The following SMARCC2 variants were observed in gnomAD, a reference collection of about 807,000 sequenced individuals.
SMARCC2 encodes the protein SWI/SNF related BAF chromatin remodeling complex subunit C2.
SMARCC2 carries 15 observed loss-of-function variants against 151.3 expected under a neutral mutation model. That is an observed-to-expected ratio of 0.10 (90% CI 0.07 to 0.15). The LOEUF (loss-of-function observed/expected upper bound fraction) is 0.15. SMARCC2 is among the 10% of genes least tolerant of loss of function. The pLI is 1.00. For synonymous variants in SMARCC2, 590 were observed against 609.5 expected, an observed-to-expected ratio of 0.97 and a Z score of 0.47; for missense variants, 1,031 against 1,599.7, an observed-to-expected ratio of 0.64 and a Z score of 6.06.
chr12:56,179,450 G>A (rs2135722491), intron 11 of SMARCC2, among the ~76,000 whole-genome samples: 1 of 152,200 alleles, frequency 6.6e-6, no homozygotes, highest in Non-Finnish European at 1.5e-5. Flanking sequence ...ATGCTCAGGA[G>A]CAAACATAGA....
At chr12:56,172,022 G>C (rs1874042597) in intron 20 of SMARCC2, 85 bp from the exon 21 acceptor site, 1 of 1,299,018 alleles carries the variant, frequency 7.7e-7, no homozygotes, top group Admixed American at 2.3e-5. Flanking sequence ...AAGGGCAGCT[G>C]GTTTCAAAGT....
intron 17 of SMARCC2, 41 bp downstream of exon 17, chr12:56,173,655 A>G (rs746360907): frequency 1.9e-6 from 3 of 1,552,310 alleles, no homozygotes; most frequent in Non-Finnish European, 2.6e-6. Flanking sequence ...AAGAAGCCCA[A>G]TCTTCCCAAC....
Position 56,178,841 on chromosome 12 carries a change from T to C in SMARCC2, c.1148A>G (p.Gln383Arg), listed in dbSNP as rs1451514565. Reference sequence around the variant, plus strand: ...CGTCGTCTCCATGCTTTCATCTTCCTGTTCATCTGAAAGAGAAAAACCAAG... The same window carrying C: ...CGTCGTCTCCATGCTTTCATCTTCCCGTTCATCTGAAAGAGAAAAACCAAG... Reference protein sequence around the residue: ...KGGTMTDLDEQEDESMETTGK... With the variant: ...KGGTMTDLDEREDESMETTGK... Residue 383 changes from glutamine (Q) to arginine (R), a missense_variant, in exon 13 of 29, where the codon CAG becomes CGG. By Grantham distance (43) the Gln-to-Arg change is conservative (BLOSUM62 1). Coordinates refer to ENST00000550164, the MANE Select transcript of SMARCC2 (RefSeq NM_001330288.2). 6.2e-7 allele frequency: 1 copy of C among 1,614,104 alleles called. No homozygotes were observed. Among genetic ancestry groups the C allele is most frequent in the Non-Finnish European group, 8.5e-7 (1 of 1,179,936 alleles).
chr12:56,179,587 A>G (rs1875713901), intron 11 of SMARCC2, among the ~76,000 whole-genome samples: 1 of 152,260 alleles, frequency 6.6e-6, no homozygotes, highest in Admixed American at 6.5e-5. Flanking sequence ...ACTGTAAACC[A>G]GTATTGGTGG....
intron 15 of SMARCC2, among the ~76,000 whole-genome samples, chr12:56,176,411 G>C (rs1177174367): frequency 6.6e-6 from 1 of 152,222 alleles, no homozygotes; most frequent in Admixed American, 6.5e-5. Context: ...TGGTTATCTT[G>C]AAGTATTCCT....
At position 56,164,682 on chromosome 12, in the gene SMARCC2, C is replaced by A; in HGVS notation, c.3282G>T (p.Gly1094=). The A allele has an allele frequency of 6.2e-7, 1 of 1,612,016 alleles. No individual in the cohort carries two copies. Among genetic ancestry groups the A allele is most frequent in the Non-Finnish European group, 8.5e-7 (1 of 1,179,178 alleles). Residue 1094 remains glycine, a synonymous_variant, in exon 28 of 29, where the codon GGG becomes GGT. Coordinates refer to ENST00000550164, the MANE Select transcript of SMARCC2 (RefSeq NM_001330288.2). ...CTGGGTGCCCGCTGCCTGGCACTGC[C>A]CCTGGCATCATTGAGGGAGGAGTTT... The part of the protein sequence containing the change: ...NQQTPPSMMP[G]AVPGSGHPGV...
chr12:56,178,573 C>T (rs553478610), intron 13 of SMARCC2, 39 bp from the exon 14 acceptor site: 2 of 1,613,834 alleles, frequency 1.2e-6, no homozygotes, highest in South Asian at 2.2e-5. Flanking sequence ...AGCATTCCTG[C>T]TTCCTCCCTA....
At chr12:56,173,963 T>C in intron 16 of SMARCC2, 114 bp from the exon 17 acceptor site, 2 of 897,976 alleles carry the variant, frequency 2.2e-6, no homozygotes, top group East Asian at 2.6e-5. Flanking sequence ...AACCCCGGCC[T>C]TTTCCTCTGT....
Position 56,171,569 on chromosome 12 carries a change from G to A in SMARCC2, c.2185+110C>T, listed in dbSNP as rs1031599651. 3.5e-4 allele frequency: 518 copies of A among 1,478,776 alleles called. 1 individual carries two copies. The highest frequency in any genetic ancestry group is 6.5e-4 in the Middle Eastern group (3 of 4,610). 91.6% of individuals were successfully genotyped at this position (1,478,776 alleles called of 1,614,324 possible). Reference sequence around the variant, plus strand: ...TAGACAGGTGCCTGAGCTGAGGCCCGCACAGACAAGGCCAGCAGGGCAGCC... The same window carrying A: ...TAGACAGGTGCCTGAGCTGAGGCCCACACAGACAAGGCCAGCAGGGCAGCC... On this transcript the variant is annotated intron_variant, in intron 21 of 28. Transcript: ENST00000550164. This position sits in a 1 kb window ranked among gnomAD's most constrained non-coding sequence, Gnocchi z 4.2.
intron 26 of SMARCC2, among the ~76,000 whole-genome samples, chr12:56,167,303 A>G (rs766226230): frequency 6.6e-6 from 1 of 151,290 alleles, no homozygotes; most frequent in Non-Finnish European, 1.5e-5. Flanking sequence ...AGCGAAGATC[A>G]CACCATTGCA....
At chr12:56,173,346 A>T (rs1874319704) in intron 17 of SMARCC2, among the ~76,000 whole-genome samples, 1 of 152,248 alleles carries the variant, frequency 6.6e-6, no homozygotes, top group Non-Finnish European at 1.5e-5. Flanking sequence ...AAAAAAATGA[A>T]GATGATAATT....
chr12:56,168,246 C>T lies in SMARCC2; in HGVS notation c.2716-52G>A, dbSNP rs1272564486. ...ATCAGTGGGAGGACCCAACTGAAGACAATACAGAAGAAAGGTAGGGTGGAT... is the reference window on the plus strand; with the variant it reads ...ATCAGTGGGAGGACCCAACTGAAGATAATACAGAAGAAAGGTAGGGTGGAT... On this transcript the variant is annotated intron_variant, in intron 25 of 28. Transcript: ENST00000550164. 3 of 1,605,496 alleles carry T rather than the reference C, an allele frequency of 1.9e-6. No homozygotes were observed. In the African/African-American group the frequency reaches 4.0e-5, roughly 21 times the overall value.
At chr12:56,186,670 C>G (rs1272327877) in intron 2 of SMARCC2, 1 of 204,198 alleles carries the variant, frequency 4.9e-6, no homozygotes, top group African/African-American at 2.4e-5. Flanking sequence ...AATTCTTTAA[C>G]CCTTGTGCCA....
At chr12:56,163,829 A>G in intron 28 of SMARCC2, 64 bp from the exon 29 acceptor site, 1 of 1,103,862 alleles carries the variant, frequency 9.1e-7, no homozygotes, top group Non-Finnish European at 1.3e-6. Context: ...GACCCAGACC[A>G]CCACAGACAG....
At chr12:56,178,711 T>C (rs1875513955) in intron 13 of SMARCC2, 99 bp downstream of exon 13, 1 of 1,465,192 alleles carries the variant, frequency 6.8e-7, no homozygotes, top group Non-Finnish European at 9.6e-7. Context: ...TAGTCTACAG[T>C]GGGTAAAGTC....
At position 56,180,972 on chromosome 12, in the gene SMARCC2, T is replaced by G. The variant is rs776175998; in HGVS notation, c.1081+5A>C. 93 of 1,611,372 alleles carry G rather than the reference T, an allele frequency of 5.8e-5. No individual in the cohort carries two copies. Among genetic ancestry groups the G allele is most frequent in the South Asian group, 1.7e-4 (15 of 90,840 alleles). ...TGGATCCCAGGAGCTCAGCCTGGCC[T>G]GTACCTGTTTTGGGAAGTGTCACCT... On this transcript the variant is annotated splice_donor_5th_base_variant and intron_variant, in intron 11 of 28. Transcript: ENST00000550164.
intron 15 of SMARCC2, among the ~76,000 whole-genome samples, chr12:56,175,625 A>G (rs568488280): frequency 5.9e-5 from 9 of 152,198 alleles, no homozygotes; most frequent in Non-Finnish European, 1.0e-4. Context: ...CATGTGGTAC[A>G]GTGTAAAGTT....
chr12:56,167,915 G>A (rs914178250), intron 26 of SMARCC2, 145 bp downstream of exon 26: 11 of 849,320 alleles, frequency 1.3e-5, no homozygotes, highest in African/African-American at 1.2e-4. Context: ...CACACACTCA[G>A]GCTTTCCCCA....
At chr12:56,172,009 A>T (rs952850948) in intron 20 of SMARCC2, 72 bp from the exon 21 acceptor site, 29 of 1,432,354 alleles carry the variant, frequency 2.0e-5, no homozygotes, top group Admixed American at 2.1e-5. Flanking sequence ...CCCCCATCCT[A>T]CTAAGGGCAG....
Sources: gnomAD v4.1 joint callset for allele counts (sites outside exome capture counted in the v4.1 genomes callset) on GRCh38, gnomAD v4.1.1 for gene constraint, Gnocchi (gnomAD v3.1) non-coding constraint, MANE v1.5 for transcripts, NCBI Gene and HGNC (gene_info 2026-07-23, HGNC 2026-07-21) for gene names.